The following RNF216 variants were observed in gnomAD, a reference collection of about 807,000 sequenced individuals.
RNF216 encodes ring finger protein 216.
In RNF216, 72 loss-of-function variants were observed where a neutral mutation model predicts 110.8. The observed-to-expected ratio is 0.65, with a 90% CI of 0.54 to 0.79. The LOEUF (loss-of-function observed/expected upper bound fraction) is 0.79. RNF216 is among the 30% of genes least tolerant of loss of function. The probability of loss-of-function intolerance (pLI) is 0.00; values close to 1 mark genes in which losing one functional copy is unlikely to be tolerated. For missense variants in RNF216, 1,342 were observed against 1,141.2 expected (o/e 1.18, Z -2.54); for synonymous variants, 495 against 407.5 (o/e 1.21, Z -2.59).
chr7:5,715,437 A>T (rs1448498806), intron 10 of RNF216, among the ~76,000 whole-genome samples: 1 of 152,190 alleles, frequency 6.6e-6, no homozygotes, highest in Non-Finnish European at 1.5e-5. Context: ...TCTTTAGAGT[A>T]ATTCTTTATA....
chr7:5,770,024 CAAAAAAAAAAAAAAAAA>C (rs1163710982), intron 1 of RNF216, among the ~76,000 whole-genome samples: 4 of 24,138 alleles, frequency 1.7e-4, no homozygotes, highest in Non-Finnish European at 2.7e-4. Context: ...AGACCCATCT[CAAAAAAAAAAAAAAAAA>C]AAAAAAAAAA....
chr7:5,726,753 G>C (rs966387436), intron 7 of RNF216, among the ~76,000 whole-genome samples: 12 of 152,050 alleles, frequency 7.9e-5, no homozygotes, highest in Admixed American at 2.6e-4. Flanking sequence ...CAGCTACTTG[G>C]GGGGCTAAGG....
In RNF216 at chr7:5,725,327, G is replaced by T. The variant is rs780365536; in HGVS notation, c.1501C>A (p.Gln501Lys). 6.4e-7 allele frequency: 1 copy of T among 1,568,056 alleles called. No homozygotes were observed. Among genetic ancestry groups the T allele is most frequent in the African/African-American group, 1.4e-5 (1 of 74,068 alleles). The change falls in exon 8 of 17, where the codon CAA (glutamine) becomes AAA (lysine). Residue 501 changes from glutamine to lysine, a missense_variant. Transcript: ENST00000389902. ...QYSYIDFKFE[Q>K]GDIKIEKRMF... ...CCACCAACACAGTTTGCATTACCTT[G>T]TTCAAACTTGAAATCAATGTAAGAA...
chr7:5,630,330 T>G (rs1329467117), intron 15 of RNF216, among the ~76,000 whole-genome samples: 5 of 151,966 alleles, frequency 3.3e-5, no homozygotes, highest in African/African-American at 1.2e-4. Flanking sequence ...CTACCTAACC[T>G]GGAACCCACT....
At chr7:5,776,435 G>A (rs1332032106) in intron 1 of RNF216, among the ~76,000 whole-genome samples, 2 of 145,840 alleles carry the variant, frequency 1.4e-5, no homozygotes, top group Non-Finnish European at 3.0e-5. Context: ...AAAAAAAAAA[G>A]CACAAAAAAA....
chr7:5,715,647 G>A (rs1470256274), intron 10 of RNF216, among the ~76,000 whole-genome samples: 2 of 151,896 alleles, frequency 1.3e-5, no homozygotes, highest in Non-Finnish European at 1.5e-5. Context: ...GACTATTGAA[G>A]CTATAACTAA....
chr7:5,758,578 G>T (rs1415060839), intron 2 of RNF216, among the ~76,000 whole-genome samples: 1 of 152,212 alleles, frequency 6.6e-6, no homozygotes, highest in African/African-American at 2.4e-5. Context: ...AGTGTGCCAT[G>T]AATGTGAGAT....
chr7:5,771,965 G>A (rs1796521027), intron 1 of RNF216, among the ~76,000 whole-genome samples: 1 of 152,184 alleles, frequency 6.6e-6, no homozygotes, highest in African/African-American at 2.4e-5. Context: ...CGGGCGTGGT[G>A]GCTCACGCCT....
intron 13 of RNF216, among the ~76,000 whole-genome samples, chr7:5,693,632 T>C (rs1791462599): frequency 6.6e-6 from 1 of 152,160 alleles, no homozygotes; most frequent in African/African-American, 2.4e-5. Flanking sequence ...TTCCTCTTTT[T>C]AGAGGAAGTA....
chr7:5,710,157 C>T (rs1484972066), intron 13 of RNF216, among the ~76,000 whole-genome samples: 3 of 152,136 alleles, frequency 2.0e-5, no homozygotes, highest in Admixed American at 6.5e-5. Context: ...GCCAGGAGTT[C>T]AGGACCAGCC....
Position 5,696,644 on chromosome 7 carries a change from T to G in RNF216, c.2061+15117A>C, listed in dbSNP as rs1339480022. ...TTCCTTGGCTGCTGCCATCCTCGCT[T>G]TTGACTACTGCCCCACGTCTCCCCT... On this transcript the variant is annotated intron_variant, in intron 13 of 16. Coordinates refer to ENST00000389902, the MANE Select transcript of RNF216 (RefSeq NM_207111.4). The surrounding 1 kb of genome is among the most constrained non-coding windows in gnomAD (Gnocchi z 5.4). 1.3e-5 allele frequency among the ~76,000 whole-genome samples: 2 copies of G among 152,150 alleles called. No individual in the cohort carries two copies. Among genetic ancestry groups the G allele is most frequent in the Non-Finnish European group, 2.9e-5 (2 of 68,016 alleles).
chr7:5,723,579 G>C (rs561635328), intron 8 of RNF216, among the ~76,000 whole-genome samples: 1 of 151,990 alleles, frequency 6.6e-6, no homozygotes, highest in Non-Finnish European at 1.5e-5. Flanking sequence ...CCCAGGAGGC[G>C]GAGTTTGCAG....
At chr7:5,711,297 A>G (rs750498034) in intron 13 of RNF216, among the ~76,000 whole-genome samples, 6 of 152,204 alleles carry the variant, frequency 3.9e-5, no homozygotes, top group Non-Finnish European at 7.3e-5. Flanking sequence ...ACAGTCAAAT[A>G]AATAACCTAC....
intron 13 of RNF216, among the ~76,000 whole-genome samples, chr7:5,692,617 G>T (rs1024889126): frequency 2.0e-5 from 3 of 152,186 alleles, no homozygotes; most frequent in African/African-American, 7.2e-5. Flanking sequence ...CTCAGTTCCA[G>T]CTCCTTCCAC....
chr7:5,690,057 G>A (rs1285707336), intron 13 of RNF216, among the ~76,000 whole-genome samples: 1 of 152,104 alleles, frequency 6.6e-6, no homozygotes, highest in African/African-American at 2.4e-5. Context: ...AGGCGCGGTG[G>A]GTGGCTCATG....
At chr7:5,698,147 C>T (rs1157635882) in intron 13 of RNF216, among the ~76,000 whole-genome samples, 1 of 152,146 alleles carries the variant, frequency 6.6e-6, no homozygotes, top group Non-Finnish European at 1.5e-5. Context: ...AAAGCAAATG[C>T]CAATCCTAGT....
chr7:5,635,900 G>C (rs966585756), intron 15 of RNF216, among the ~76,000 whole-genome samples: 10 of 152,168 alleles, frequency 6.6e-5, no homozygotes, highest in Non-Finnish European at 1.2e-4. Flanking sequence ...GGCTGTAAAA[G>C]CCCTAGGGTT....
Position 5,712,655 on chromosome 7 carries a change from C to T in RNF216, c.1982+60G>A, listed in dbSNP as rs549738307. 1.9e-6 allele frequency: 3 copies of T among 1,560,596 alleles called. No individual in the cohort carries two copies. In the East Asian group the frequency reaches 6.8e-5, roughly 35 times the overall value. On this transcript the variant is annotated intron_variant, in intron 12 of 16. Coordinates refer to ENST00000389902, the MANE Select transcript of RNF216 (RefSeq NM_207111.4). ...AATTTTCATCATCTGATGCAAGTGC[C>T]CAGGTAGTTTTCACAATGGGGAAGA...
chr7:5,780,780 T>C (rs1797040384), intron 1 of RNF216, among the ~76,000 whole-genome samples: 1 of 152,020 alleles, frequency 6.6e-6, no homozygotes, highest in South Asian at 2.1e-4. Context: ...CTAGGACAGC[T>C]GCTACCCAGG....
Sources: gnomAD v4.1 joint callset for allele counts (sites outside exome capture counted in the v4.1 genomes callset) on GRCh38, gnomAD v4.1.1 for gene constraint, Gnocchi (gnomAD v3.1) non-coding constraint, MANE v1.5 for transcripts, NCBI Gene and HGNC (gene_info 2026-07-23, HGNC 2026-07-21) for gene names.